CNTLN: variants seen among roughly 807,000 people sequenced by gnomAD.
CNTLN encodes centlein.
In CNTLN, 212 loss-of-function variants were observed where a neutral mutation model predicts 180.0. The observed-to-expected ratio is 1.18, with a 90% CI of 1.05 to 1.32. The LOEUF (loss-of-function observed/expected upper bound fraction) is 1.32, where lower values mean the gene tolerates loss of function less well. Among genes scored for constraint, CNTLN ranks in the 40% most tolerant of loss-of-function variants. CNTLN has a pLI of 0.00. For synonymous variants in CNTLN, 722 were observed against 563.1 expected, an observed-to-expected ratio of 1.28 and a Z score of -3.99; for missense variants, 2,095 against 1,610.9, an observed-to-expected ratio of 1.30 and a Z score of -5.14.
intron 6 of CNTLN, among the ~76,000 whole-genome samples, chr9:17,291,108 G>A (rs549149624): frequency 3.3e-5 from 5 of 152,300 alleles, no homozygotes; most frequent in Admixed American, 2.0e-4. Flanking sequence ...ATGTAGTTGT[G>A]TGGTTTGAGT....
intron 18 of CNTLN, among the ~76,000 whole-genome samples, chr9:17,442,565 A>G (rs1031660979): frequency 1.3e-5 from 2 of 151,986 alleles, no homozygotes; most frequent in South Asian, 4.2e-4. Context: ...TGCCTGGCTA[A>G]TTTTTTGTAT....
chr9:17,331,828 A>G (rs1820662066), intron 9 of CNTLN, among the ~76,000 whole-genome samples: 1 of 152,060 alleles, frequency 6.6e-6, no homozygotes, highest in Admixed American at 6.6e-5. Flanking sequence ...CATTCATAAA[A>G]TTGAAATACA....
chr9:17,207,071 G>A (rs377004543), intron 2 of CNTLN, among the ~76,000 whole-genome samples: 6 of 151,880 alleles, frequency 4.0e-5, no homozygotes, highest in Admixed American at 1.3e-4. Flanking sequence ...TGGTGAGTGC[G>A]GTGTCTGACT....
At chr9:17,486,874 G>A (rs914780598) in intron 24 of CNTLN, 115 bp from the exon 25 acceptor site, 2 of 598,132 alleles carry the variant, frequency 3.3e-6, no homozygotes, top group South Asian at 4.4e-5. Context: ...ATGACAGACT[G>A]TTCTTTGTTG....
intron 18 of CNTLN, among the ~76,000 whole-genome samples, chr9:17,443,317 A>C (rs1475497875): frequency 1.3e-5 from 2 of 152,226 alleles, no homozygotes; most frequent in Non-Finnish European, 2.9e-5. Context: ...TTGCTGGATC[A>C]GTAATATACA....
chr9:17,512,983 AT>A, the CNTLN span, among the ~76,000 whole-genome samples: 24 of 151,772 alleles, frequency 1.6e-4, no homozygotes, highest in African/African-American at 2.4e-4. Flanking sequence ...TGCCCAGCTA[AT>A]TTTTTTTGTA....
chr9:17,281,919 G>A (rs1025840784), intron 6 of CNTLN, among the ~76,000 whole-genome samples: 5 of 152,032 alleles, frequency 3.3e-5, no homozygotes, highest in East Asian at 3.9e-4. Context: ...GTGTCAAAGC[G>A]TTCCTGTTTC....
chr9:17,268,037 T>C (rs1827623878), intron 5 of CNTLN, among the ~76,000 whole-genome samples: 1 of 152,202 alleles, frequency 6.6e-6, no homozygotes, highest in Non-Finnish European at 1.5e-5. Flanking sequence ...TCTCTCAACT[T>C]GTCAAAGTCA....
intron 18 of CNTLN, among the ~76,000 whole-genome samples, chr9:17,455,825 G>A (rs1217480253): frequency 1.8e-5 from 2 of 111,316 alleles, no homozygotes; most frequent in Non-Finnish European, 3.9e-5. Flanking sequence ...TTTGGGGAAT[G>A]GCAGGCAGGT....
intron 5 of CNTLN, among the ~76,000 whole-genome samples, chr9:17,263,340 C>A (rs1175883414): frequency 1.3e-5 from 2 of 150,636 alleles, no homozygotes; most frequent in African/African-American, 5.0e-5. Flanking sequence ...ATGGTTTCCA[C>A]TTTCATCCAT....
intron 12 of CNTLN, among the ~76,000 whole-genome samples, chr9:17,365,784 A>T (rs1450216108): frequency 1.3e-5 from 2 of 152,016 alleles, no homozygotes; most frequent in East Asian, 1.9e-4. Context: ...TAAAACCCTG[A>T]TTGTACAAAA....
At chr9:17,327,407 A>C (rs1014218856) in intron 8 of CNTLN, among the ~76,000 whole-genome samples, 64 of 150,326 alleles carry the variant, frequency 4.3e-4, no homozygotes, top group African/African-American at 1.6e-3. Context: ...GATGGTCTCG[A>C]TCTCCTGACC....
chr9:17,301,821 C>T (rs1038213817), intron 7 of CNTLN: 1 of 981,052 alleles, frequency 1.0e-6, no homozygotes, highest in Non-Finnish European at 1.2e-6. Flanking sequence ...AATTCCATCT[C>T]CCAGAGGCAA....
intron 19 of CNTLN, among the ~76,000 whole-genome samples, chr9:17,459,035 A>G (rs1005498251): frequency 4.6e-5 from 7 of 151,784 alleles, no homozygotes; most frequent in Non-Finnish European, 8.9e-5. Flanking sequence ...GATTCTTCAT[A>G]TATTTAAGTC....
chr9:17,504,265 A>G (rs927496660), downstream of CNTLN, among the ~76,000 whole-genome samples: 6 of 152,168 alleles, frequency 3.9e-5, no homozygotes, highest in African/African-American at 1.4e-4. Flanking sequence ...TACCCAAAGA[A>G]TGCAATTAAA....
chr9:17,500,762 C>A (rs1353341250), intron 25 of CNTLN, among the ~76,000 whole-genome samples: 1 of 152,100 alleles, frequency 6.6e-6, no homozygotes, highest in South Asian at 2.1e-4. Context: ...CTTGTATTTT[C>A]CTTTTAGATA....
At chr9:17,191,378 A>G (rs1372017894) in intron 2 of CNTLN, among the ~76,000 whole-genome samples, 1 of 152,224 alleles carries the variant, frequency 6.6e-6, no homozygotes, top group African/African-American at 2.4e-5. Context: ...AGTGTCCAAT[A>G]GATGTCAAGT....
chr9:17,394,288 A>T (rs542360347), intron 14 of CNTLN, among the ~76,000 whole-genome samples: 11 of 152,162 alleles, frequency 7.2e-5, no homozygotes, highest in Non-Finnish European at 1.6e-4. Flanking sequence ...GTTTATTAGC[A>T]TACTTAGTTC....
At chr9:17,391,102 T>G (rs1826078071) in intron 14 of CNTLN, among the ~76,000 whole-genome samples, 1 of 152,160 alleles carries the variant, frequency 6.6e-6, no homozygotes, top group Non-Finnish European at 1.5e-5. Context: ...ATTTATGTGC[T>G]TAGGTTTGAT....
Sources: allele counts gnomAD v4.1 joint callset (sites outside exome capture counted in the v4.1 genomes callset), GRCh38; gene constraint gnomAD v4.1.1; transcripts MANE v1.5; gene names NCBI Gene and HGNC (gene_info 2026-07-23, HGNC 2026-07-21).